TAF3: variants seen among roughly 807,000 people sequenced by gnomAD.
TAF3 encodes the protein transcription initiation factor TFIID subunit 3.
TAF3 carries 7 observed loss-of-function variants against 80.6 expected under a neutral mutation model. The ratio of observed to expected loss-of-function variants is 0.09; its 90% confidence interval spans 0.05 to 0.16. The LOEUF (loss-of-function observed/expected upper bound fraction) is 0.16, where lower values mean the gene tolerates loss of function less well. TAF3 is among the 10% of genes least tolerant of loss of function. The pLI is 1.00. For synonymous variants in TAF3, 444 were observed against 446.1 expected, an observed-to-expected ratio of 1.00 and a Z score of 0.06; for missense variants, 921 against 1,140.2, an observed-to-expected ratio of 0.81 and a Z score of 2.77.
chr10:7,912,895 T>C (rs1320231152), intron 2 of TAF3, among the ~76,000 whole-genome samples: 1 of 152,190 alleles, frequency 6.6e-6, no homozygotes, highest in African/African-American at 2.4e-5. Flanking sequence ...TTAGGTTTTT[T>C]GTCGGTGTCT....
At chr10:7,953,209 A>C (rs1047295393) in intron 2 of TAF3, among the ~76,000 whole-genome samples, 2 of 152,188 alleles carry the variant, frequency 1.3e-5, no homozygotes, top group African/African-American at 4.8e-5. Flanking sequence ...TCACTTCAAA[A>C]AGTAGGGTAG....
At chr10:7,958,165 A>G (rs948721202) in intron 2 of TAF3, among the ~76,000 whole-genome samples, 14 of 106,046 alleles carry the variant, frequency 1.3e-4, no homozygotes, top group South Asian at 3.6e-4. Context: ...AAACAGTTCA[A>G]TAGCCATTAC....
intron 3 of TAF3, among the ~76,000 whole-genome samples, chr10:7,965,983 C>T (rs974205824): frequency 6.6e-6 from 1 of 152,140 alleles, no homozygotes; most frequent in Non-Finnish European, 1.5e-5. Flanking sequence ...TAATCACAGA[C>T]TATAAACTCT....
rs1836721071 is a variant in TAF3 at position 7,824,382 on chromosome 10, A to G, written c.231A>G (p.Leu77=). 4.3e-6 allele frequency: 7 copies of G among 1,614,100 alleles called. No individual in the cohort carries two copies. Among genetic ancestry groups the G allele is most frequent in the Admixed American group, 3.3e-5 (2 of 60,006 alleles). The change falls in exon 2 of 7, where the codon CTA becomes CTG. Residue 77 remains leucine, a synonymous_variant. Transcript: ENST00000344293. The stretch of plus-strand genomic sequence containing the variant: ...CTTTCCAGCTGATGGGGGTTAGTCT[A>G]CATGAACTAGAAGACTATATTCACA... ...GEAFQLMGVS[L]HELEDYIHNI...
intron 4 of TAF3, among the ~76,000 whole-genome samples, chr10:8,003,748 A>G (rs1382852280): frequency 6.6e-6 from 1 of 152,222 alleles, no homozygotes; most frequent in East Asian, 1.9e-4. Context: ...CAAAAATTTA[A>G]AACATTGCCA....
chr10:7,826,033 A>C (rs1003351352), intron 2 of TAF3, among the ~76,000 whole-genome samples: 2 of 152,200 alleles, frequency 1.3e-5, no homozygotes, highest in African/African-American at 4.8e-5. Context: ...TAGCATTTTG[A>C]AGTGTTACCT....
In TAF3 at chr10:7,905,652, C is replaced by T. The variant is rs374019559; in HGVS notation, c.410-58268C>T. Among the ~76,000 whole-genome samples, 6 of 152,154 alleles carry T rather than the reference C, an allele frequency of 3.9e-5. No homozygotes were observed. The East Asian group carries it at 5.8e-4, about 15-fold the overall frequency. ...ATCCCAGCACTGTGGAAAGCTGAGGCGGGCAGATTACGAGGTCAGGAGTTC... is the reference window on the plus strand; with the variant it reads ...ATCCCAGCACTGTGGAAAGCTGAGGTGGGCAGATTACGAGGTCAGGAGTTC... On this transcript the variant is annotated intron_variant, in intron 2 of 6. Coordinates refer to ENST00000344293, the MANE Select transcript of TAF3 (RefSeq NM_031923.4).
At chr10:7,833,848 C>T (rs1203579654) in intron 2 of TAF3, 4 of 799,384 alleles carry the variant, frequency 5.0e-6, no homozygotes, top group Non-Finnish European at 6.9e-6. Flanking sequence ...TTCCTGGGGA[C>T]CGAGGGCTTC....
intron 4 of TAF3, among the ~76,000 whole-genome samples, chr10:7,997,914 TAA>T (rs2131432644): frequency 6.6e-6 from 1 of 152,342 alleles, no homozygotes; most frequent in African/African-American, 2.4e-5. Context: ...CAATTTAGAT[TAA>T]GTGATGATAG....
At chr10:7,950,443 C>T (rs149775203) in intron 2 of TAF3, among the ~76,000 whole-genome samples, 224 of 152,280 alleles carry the variant, frequency 1.5e-3, no homozygotes, top group African/African-American at 4.2e-3. Flanking sequence ...TAAACTCAAA[C>T]ATGTCCTAAT....
chr10:7,955,398 A>T (rs991305717), intron 2 of TAF3, among the ~76,000 whole-genome samples: 1 of 152,262 alleles, frequency 6.6e-6, no homozygotes, highest in African/African-American at 2.4e-5. Flanking sequence ...TTAACCAATC[A>T]TAAGAAGTCT....
chr10:7,915,237 G>T (rs901905586), intron 2 of TAF3, among the ~76,000 whole-genome samples: 5 of 151,440 alleles, frequency 3.3e-5, no homozygotes, highest in South Asian at 4.2e-4. Context: ...GAGCCACTGC[G>T]CCTGGCCGCT....
At chr10:7,930,657 T>C (rs1185092505) in intron 2 of TAF3, among the ~76,000 whole-genome samples, 1 of 152,148 alleles carries the variant, frequency 6.6e-6, no homozygotes, top group Non-Finnish European at 1.5e-5. Flanking sequence ...ATCAATATTT[T>C]TAAGCGCCAT....
intron 2 of TAF3, among the ~76,000 whole-genome samples, chr10:7,863,752 T>TATATATATACACATATATATATACAC: frequency 7.2e-6 from 1 of 138,902 alleles, no homozygotes; most frequent in Admixed American, 7.4e-5. Flanking sequence ...TATATACACA[T>TATATATATACACATATATATATACAC]ATATATATAC....
intron 1 of TAF3, among the ~76,000 whole-genome samples, chr10:7,823,882 C>G (rs1420586335): frequency 5.3e-5 from 8 of 151,754 alleles, no homozygotes. Context: ...ATCCGCCCAC[C>G]TCGGCCTCTC....
intron 2 of TAF3, among the ~76,000 whole-genome samples, chr10:7,927,604 G>A (rs78057491): frequency 0.011 from 1,692 of 152,252 alleles, 33 homozygotes; most frequent in African/African-American, 0.038. Flanking sequence ...CTACAAAAAT[G>A]ATTGCTCTAT....
At chr10:7,905,498 A>G (rs1038396433) in intron 2 of TAF3, among the ~76,000 whole-genome samples, 1 of 152,238 alleles carries the variant, frequency 6.6e-6, no homozygotes, top group Admixed American at 6.5e-5. Flanking sequence ...ATGGCTGGAC[A>G]TAGCTGTGTT....
At chr10:7,904,812 T>G (rs1370611591) in intron 2 of TAF3, among the ~76,000 whole-genome samples, 1 of 151,960 alleles carries the variant, frequency 6.6e-6, no homozygotes, top group Non-Finnish European at 1.5e-5. Context: ...AACTGGAAGA[T>G]CTGGTGACAC....
chr10:7,860,965 A>AT (rs924650790), intron 2 of TAF3, among the ~76,000 whole-genome samples: 56 of 143,644 alleles, frequency 3.9e-4, no homozygotes, highest in Middle Eastern at 3.6e-3. Flanking sequence ...TGCCCAGCTA[A>AT]TTTTTTTTTT....
Sources: allele counts gnomAD v4.1 joint callset (sites outside exome capture counted in the v4.1 genomes callset), GRCh38; gene constraint gnomAD v4.1.1; transcripts MANE v1.5; gene names NCBI Gene and HGNC (gene_info 2026-07-23, HGNC 2026-07-21).